NICOL1: variants seen among roughly 807,000 people sequenced by gnomAD.
The protein encoded by NICOL1 is NELL2 interacting cell ontogeny regulator 1.
chr4:2,041,826 C>T, the NICOL1 span: 1 of 670,646 alleles, frequency 1.5e-6, no homozygotes, highest in Non-Finnish European at 2.3e-6. Flanking sequence ...CTCTAGACTG[C>T]ATCCGCCATG....
At chr4:2,043,030 C>T in the NICOL1 span, among the ~76,000 whole-genome samples, 3 of 152,170 alleles carry the variant, frequency 2.0e-5, no homozygotes, top group Non-Finnish European at 2.9e-5. Context: ...CCCCTCTCTC[C>T]AGCATACTCT....
At chr4:2,042,823 G>C in the NICOL1 span, 1 of 1,487,706 alleles carries the variant, frequency 6.7e-7, no homozygotes, top group Non-Finnish European at 8.9e-7. Context: ...CTGGACGCGC[G>C]GGTGAGCGCC....
At chr4:2,042,124 C>T in the NICOL1 span, 1 of 1,470,162 alleles carries the variant, frequency 6.8e-7, no homozygotes, top group Admixed American at 2.8e-5. Context: ...GGGGCGCGGA[C>T]TAGAGGCTCG....
chr4:2,042,329 CGGCCCCGCTCCCTCTGCTGGCCAT>C, the NICOL1 span: 1 of 570,452 alleles, frequency 1.8e-6, no homozygotes, highest in Admixed American at 4.3e-5. Flanking sequence ...GGCTTCAGGG[CGGCCCCGCTCCCTCTGCTGGCCAT>C]GGCCCCCCCG....
At chr4:2,042,099 G>A in the NICOL1 span, 2 of 1,484,614 alleles carry the variant, frequency 1.3e-6, no homozygotes, top group East Asian at 2.8e-5. Context: ...GTCCGAATGG[G>A]CGTTTTCTAG....
chr4:2,039,273 G>A, the NICOL1 span, among the ~76,000 whole-genome samples: 2 of 152,092 alleles, frequency 1.3e-5, no homozygotes, highest in Middle Eastern at 3.4e-3. Flanking sequence ...AATCAGCTGG[G>A]TGTGGGGGCA....
At chr4:2,041,200 G>C in the NICOL1 span, among the ~76,000 whole-genome samples, 1 of 150,704 alleles carries the variant, frequency 6.6e-6, no homozygotes, top group South Asian at 2.1e-4. Context: ...GGCGCCTTCT[G>C]AGGAGGCCAC....
chr4:2,042,532 AG>A, the NICOL1 span: 2 of 435,024 alleles, frequency 4.6e-6, no homozygotes, highest in Middle Eastern at 5.9e-4. Context: ...GGCTGGCGAC[AG>A]GGGCGTGCGG....
the NICOL1 span, among the ~76,000 whole-genome samples, chr4:2,038,542 C>T: frequency 6.6e-6 from 1 of 151,836 alleles, no homozygotes; most frequent in Non-Finnish European, 1.5e-5. Flanking sequence ...AGTGATCCTC[C>T]CGTCTCTTAT....
At chr4:2,041,666 C>A in the NICOL1 span, 1 of 296,904 alleles carries the variant, frequency 3.4e-6, no homozygotes, top group East Asian at 5.5e-5. Flanking sequence ...GCATGCGCAG[C>A]TCCCCGCGCC....
At chr4:2,040,210 G>T in the NICOL1 span, among the ~76,000 whole-genome samples, 1 of 152,248 alleles carries the variant, frequency 6.6e-6, no homozygotes, top group African/African-American at 2.4e-5. Flanking sequence ...GGGTTCAAAT[G>T]ATTCTCCTGC....
At chr4:2,042,797 G>A in the NICOL1 span, 1 of 1,515,790 alleles carries the variant, frequency 6.6e-7, no homozygotes. Flanking sequence ...AGGACCTGCG[G>A]AAGACAGCCT....
At chr4:2,039,154 C>T in the NICOL1 span, among the ~76,000 whole-genome samples, 2 of 152,162 alleles carry the variant, frequency 1.3e-5, no homozygotes, top group East Asian at 1.9e-4. Flanking sequence ...TGGCTCATGC[C>T]TGTAGTCCCA....
the NICOL1 span, among the ~76,000 whole-genome samples, chr4:2,041,016 G>A: frequency 2.0e-5 from 3 of 152,078 alleles, no homozygotes; most frequent in Non-Finnish European, 4.4e-5. Context: ...GGGGGCGCCC[G>A]AGGCTCCGGG....
the NICOL1 span, chr4:2,042,790 A>C: frequency 6.6e-7 from 1 of 1,517,298 alleles, no homozygotes; most frequent in African/African-American, 1.4e-5. Flanking sequence ...GCCCTGCAGG[A>C]CCTGCGGAAG....
chr4:2,042,360 C>A, the NICOL1 span: 3 of 513,752 alleles, frequency 5.8e-6, no homozygotes, highest in Admixed American at 3.6e-5. Context: ...CCATGGCCCC[C>A]CCGCCCGCGT....
At chr4:2,039,339 A>G in the NICOL1 span, among the ~76,000 whole-genome samples, 86 of 151,300 alleles carry the variant, frequency 5.7e-4, 1 homozygote, top group South Asian at 0.018. Context: ...GCTTGAACCC[A>G]GGAGGCAGAG....
the NICOL1 span, among the ~76,000 whole-genome samples, chr4:2,040,540 A>G: frequency 1.7e-3 from 255 of 152,292 alleles, 2 homozygotes; most frequent in African/African-American, 5.5e-3. Context: ...CCCCGGCAAC[A>G]GCGCGGGGCT....
the NICOL1 span, among the ~76,000 whole-genome samples, chr4:2,039,220 C>G: frequency 6.6e-6 from 1 of 151,986 alleles, no homozygotes; most frequent in African/African-American, 2.4e-5. Flanking sequence ...TCAAGACCAG[C>G]CTGGCCAACA....
Sources: allele counts gnomAD v4.1 joint callset (sites outside exome capture counted in the v4.1 genomes callset), GRCh38; gene constraint gnomAD v4.1.1; transcripts MANE v1.5; gene names NCBI Gene and HGNC (gene_info 2026-07-23, HGNC 2026-07-21).